LEKR1: variants seen among roughly 807,000 people sequenced by gnomAD.
LEKR1 encodes the protein leucine, glutamate and lysine rich 1.
Under a neutral mutation model 72.4 loss-of-function variants are expected in LEKR1, and 59 were observed. The observed-to-expected ratio is 0.82, with a 90% CI of 0.66 to 1.01. The LOEUF is 1.01. LEKR1 is among the 50% of genes least tolerant of loss of function. The pLI, the probability that LEKR1 is intolerant of heterozygous loss-of-function variation, is 0.00. For synonymous variants in LEKR1, 257 were observed against 263.2 expected, an observed-to-expected ratio of 0.98 and a Z score of 0.23; for missense variants, 728 against 759.2, an observed-to-expected ratio of 0.96 and a Z score of 0.48.
At chr3:156,855,935 C>G (rs1298805141) in intron 3 of LEKR1, among the ~76,000 whole-genome samples, 1 of 152,102 alleles carries the variant, frequency 6.6e-6, no homozygotes, top group Non-Finnish European at 1.5e-5. Context: ...TCCAATTCCA[C>G]CCCCTTAGCC....
chr3:156,883,007 TG>T (rs1417783504), intron 3 of LEKR1, among the ~76,000 whole-genome samples: 2 of 146,074 alleles, frequency 1.4e-5, no homozygotes, highest in African/African-American at 5.2e-5. Flanking sequence ...TGTTGTGGGT[TG>T]GGGGGAGGGG....
At chr3:156,962,746 T>C (rs1728235183) in intron 6 of LEKR1, among the ~76,000 whole-genome samples, 1 of 152,246 alleles carries the variant, frequency 6.6e-6, no homozygotes, top group Non-Finnish European at 1.5e-5. Context: ...CTACTCCTTA[T>C]AATGGTTGTC....
intron 3 of LEKR1, among the ~76,000 whole-genome samples, chr3:156,886,138 C>T (rs976167912): frequency 6.6e-6 from 1 of 152,008 alleles, no homozygotes; most frequent in Non-Finnish European, 1.5e-5. Context: ...GCTGCAACCA[C>T]TGTGGGGGAG....
chr3:157,019,473 A>G (rs528836057), intron 10 of LEKR1, among the ~76,000 whole-genome samples: 1 of 152,352 alleles, frequency 6.6e-6, no homozygotes, highest in South Asian at 2.1e-4. Context: ...CTAGAAGAGG[A>G]TATAGATAAA....
At chr3:156,982,363 G>A (rs1221110264) in intron 7 of LEKR1, among the ~76,000 whole-genome samples, 2 of 102,702 alleles carry the variant, frequency 1.9e-5, no homozygotes, top group African/African-American at 3.8e-5. Context: ...TGGATATGGT[G>A]CCTGCAGGCA....
chr3:157,009,127 T>G lies in LEKR1; in HGVS notation c.1110-2286T>G, dbSNP rs149803372. On this transcript the variant is annotated intron_variant, in intron 9 of 12. Coordinates refer to ENST00000356539, the MANE Select transcript of LEKR1 (RefSeq NM_001004316.3). ...TGGAATATACATTATTACAGTGCTA[T>G]TCTATAGAAGTATTATGTTATACTT... is the stretch of plus-strand genomic sequence containing the variant. Among the ~76,000 whole-genome samples, 37 of 152,302 alleles carry G rather than the reference T, an allele frequency of 2.4e-4. No individual in the cohort carries two copies. The East Asian group carries it at 6.4e-3, about 26-fold the overall frequency.
Position 156,961,942 on chromosome 3 carries a change from C to A in LEKR1, c.746-17252C>A, listed in dbSNP as rs147413191. Among the ~76,000 whole-genome samples, 3 of 152,304 alleles carry A rather than the reference C, an allele frequency of 2.0e-5. No homozygotes were observed. In the East Asian group the frequency reaches 5.8e-4, roughly 29 times the overall value. On this transcript the variant is annotated intron_variant, in intron 6 of 12. Transcript: ENST00000356539. ...CAAATGATTATATTTAGTATACAAG[C>A]ATTCAAATTTCTTTAAATACTACTT...
At chr3:156,863,273 A>G (rs939991110) in intron 3 of LEKR1, among the ~76,000 whole-genome samples, 3 of 152,012 alleles carry the variant, frequency 2.0e-5, no homozygotes, top group Non-Finnish European at 2.9e-5. Flanking sequence ...CTAATAGGCA[A>G]TAGGTGGCCA....
At chr3:156,992,980 C>T in intron 8 of LEKR1, 94 bp from the exon 9 acceptor site, 1 of 635,054 alleles carries the variant, frequency 1.6e-6, no homozygotes, top group Non-Finnish European at 2.6e-6. Flanking sequence ...CAGTTATAAT[C>T]TATAATTTCA....
At chr3:156,944,526 G>T (rs767450562) in intron 6 of LEKR1, among the ~76,000 whole-genome samples, 32 of 151,366 alleles carry the variant, frequency 2.1e-4, no homozygotes, top group Admixed American at 6.6e-5. Flanking sequence ...CCATATATTT[G>T]TACCCATTAA....
chr3:156,955,139 T>A (rs1010235939), intron 6 of LEKR1, among the ~76,000 whole-genome samples: 4 of 151,932 alleles, frequency 2.6e-5, no homozygotes, highest in Non-Finnish European at 5.9e-5. Context: ...TGGGATTTCA[T>A]TCATTATTTG....
chr3:156,902,942 A>G (rs1047402068), intron 3 of LEKR1, among the ~76,000 whole-genome samples: 3 of 152,126 alleles, frequency 2.0e-5, no homozygotes. Context: ...TATACCTACT[A>G]TAAACATTAT....
At chr3:157,023,759 C>T (rs1312884047) in intron 10 of LEKR1, among the ~76,000 whole-genome samples, 2 of 152,154 alleles carry the variant, frequency 1.3e-5, no homozygotes, top group African/African-American at 4.8e-5. Context: ...AGAGTTCTTG[C>T]TTATTCTTTC....
intron 6 of LEKR1, among the ~76,000 whole-genome samples, chr3:156,961,092 ATTT>A (rs1728091561): frequency 6.6e-6 from 1 of 152,226 alleles, no homozygotes; most frequent in Non-Finnish European, 1.5e-5. Context: ...CATTCAGCTT[ATTT>A]TTAATATCCT....
intron 5 of LEKR1, among the ~76,000 whole-genome samples, chr3:156,929,808 A>G (rs1725045534): frequency 6.6e-6 from 1 of 152,180 alleles, no homozygotes; most frequent in African/African-American, 2.4e-5. Context: ...TCTAAGCGTC[A>G]TCTTGAGCCT....
chr3:156,869,364 A>G (rs993158505), intron 3 of LEKR1, among the ~76,000 whole-genome samples: 1 of 151,884 alleles, frequency 6.6e-6, no homozygotes, highest in African/African-American at 2.4e-5. Context: ...AGCATCTGTT[A>G]TTATTTTCTC....
intron 2 of LEKR1, among the ~76,000 whole-genome samples, chr3:156,836,041 T>C (rs1222722347): frequency 6.6e-6 from 1 of 151,750 alleles, no homozygotes; most frequent in Non-Finnish European, 1.5e-5. Context: ...GCCTGGCTGA[T>C]TTTTGTATTT....
intron 6 of LEKR1, among the ~76,000 whole-genome samples, chr3:156,978,732 G>A (rs1051109878): frequency 3.3e-5 from 5 of 152,122 alleles, no homozygotes; most frequent in East Asian, 3.9e-4. Context: ...GAGTTAACAC[G>A]TTCTTTACTA....
At chr3:156,919,904 A>G (rs1467260946) in intron 3 of LEKR1, among the ~76,000 whole-genome samples, 1 of 152,150 alleles carries the variant, frequency 6.6e-6, no homozygotes, top group Non-Finnish European at 1.5e-5. Flanking sequence ...TCATTCATTC[A>G]TTATACCAAA....
Sources: allele counts gnomAD v4.1 joint callset (sites outside exome capture counted in the v4.1 genomes callset), GRCh38; gene constraint gnomAD v4.1.1; transcripts MANE v1.5; gene names NCBI Gene and HGNC (gene_info 2026-07-23, HGNC 2026-07-21).